Variants in AUTS2 observed in about 807,000 individuals in gnomAD.
AUTS2 encodes the protein activator of transcription and developmental regulator AUTS2.
Under a neutral mutation model 112.4 loss-of-function variants are expected in AUTS2, and 17 were observed. The observed-to-expected ratio is 0.15, with a 90% confidence interval of 0.10 to 0.23. AUTS2 has a LOEUF of 0.23. Ranked by LOEUF, AUTS2 falls within the 10% of genes least tolerant of loss-of-function variation. The pLI is 1.00. For missense variants in AUTS2, 1,510 were observed against 1,701.6 expected (o/e 0.89, Z 1.98); for synonymous variants, 751 against 702.7 (o/e 1.07, Z -1.09).
intron 2 of AUTS2, among the ~76,000 whole-genome samples, chr7:69,978,963 A>G (rs1347475950): frequency 1.3e-5 from 2 of 151,796 alleles, no homozygotes; most frequent in East Asian, 1.9e-4. Flanking sequence ...ATTTTATTCT[A>G]TATCTGTCTA....
At chr7:69,718,858 C>G (rs1185907950) in intron 1 of AUTS2, among the ~76,000 whole-genome samples, 1 of 152,144 alleles carries the variant, frequency 6.6e-6, no homozygotes, top group Admixed American at 6.6e-5. Context: ...TAAATTGTTA[C>G]CTATGAATGT....
chr7:70,628,596 C>G (rs1194333462), intron 5 of AUTS2, among the ~76,000 whole-genome samples: 1 of 151,152 alleles, frequency 6.6e-6, no homozygotes, highest in Non-Finnish European at 1.5e-5. Context: ...CCCAAAAAAT[C>G]CAGTAATCAG....
At chr7:69,927,562 C>G (rs558782914) in intron 2 of AUTS2, among the ~76,000 whole-genome samples, 3 of 152,336 alleles carry the variant, frequency 2.0e-5, no homozygotes, top group African/African-American at 7.2e-5. Context: ...TCCTGCTGGG[C>G]TCATTCCACC....
chr7:70,466,353 C>T (rs568033262), intron 5 of AUTS2, among the ~76,000 whole-genome samples: 1 of 152,266 alleles, frequency 6.6e-6, no homozygotes, highest in East Asian at 1.9e-4. Flanking sequence ...AGAACATTGT[C>T]ATAGTGAATT....
intron 1 of AUTS2, among the ~76,000 whole-genome samples, chr7:69,863,063 A>T (rs1793063580): frequency 7.8e-6 from 1 of 127,976 alleles, no homozygotes; most frequent in African/African-American, 2.6e-5. Flanking sequence ...TTCCAAAGAT[A>T]CGAGGACTCG....
Position 69,946,226 on chromosome 7 carries a change from CAT to C in AUTS2, c.522+46731_522+46732del, listed in dbSNP as rs536130570. Among the ~76,000 whole-genome samples the C allele has an allele frequency of 1.4e-3, 219 of 152,210 alleles. 1 individual carries two copies. The highest frequency in any genetic ancestry group is 2.8e-3 in the Admixed American group (42 of 15,272). On this transcript the variant is annotated intron_variant, in intron 2 of 18. Coordinates refer to ENST00000342771, the MANE Select transcript of AUTS2 (RefSeq NM_015570.4). ...TTTATGTCTGACTTCTTTCACTTAG[CAT>C]ATGTCTTCCAGGTTCACCCAAGTTG...
chr7:70,170,159 A>G (rs376173173), intron 4 of AUTS2, among the ~76,000 whole-genome samples: 1 of 132,892 alleles, frequency 7.5e-6, no homozygotes, highest in East Asian at 2.2e-4. Flanking sequence ...AAATGCAAGT[A>G]TTTTTTTTTT....
chr7:70,719,542 C>T (rs745328346), intron 6 of AUTS2, among the ~76,000 whole-genome samples: 1 of 149,538 alleles, frequency 6.7e-6, no homozygotes, highest in South Asian at 2.2e-4. Context: ...CCACTCACTG[C>T]AACCTCTGCT....
chr7:69,869,896 C>A (rs1323102262), intron 1 of AUTS2, among the ~76,000 whole-genome samples: 1 of 152,098 alleles, frequency 6.6e-6, no homozygotes, highest in Non-Finnish European at 1.5e-5. Flanking sequence ...TTCAGAGACT[C>A]ATAGTTTGAT....
At chr7:69,674,598 A>C (rs1796475148) in intron 1 of AUTS2, among the ~76,000 whole-genome samples, 1 of 124,058 alleles carries the variant, frequency 8.1e-6, no homozygotes. Flanking sequence ...TATGGCTGTC[A>C]TGCCTGAGAG....
intron 5 of AUTS2, among the ~76,000 whole-genome samples, chr7:70,594,127 A>G (rs1393994513): frequency 1.3e-5 from 2 of 152,074 alleles, no homozygotes; most frequent in Non-Finnish European, 2.9e-5. Flanking sequence ...TTTCCTTTCC[A>G]AACTCTCCCT....
rs190471545 is a variant in AUTS2, at chr7:70,625,833, A to G, written c.691-72736A>G. ...TGTTTTAATTGGTGGTTTTAAACTAATATAAAATTGGCTAAATCATCATTT... is the reference window on the plus strand; with the variant it reads ...TGTTTTAATTGGTGGTTTTAAACTAGTATAAAATTGGCTAAATCATCATTT... On this transcript the variant is annotated intron_variant, in intron 5 of 18. Coordinates refer to ENST00000342771, the MANE Select transcript of AUTS2 (RefSeq NM_015570.4). 1.1e-3 allele frequency among the ~76,000 whole-genome samples: 166 copies of G among 152,296 alleles called. 1 individual carries two copies. Among genetic ancestry groups the G allele is most frequent in the African/African-American group, 3.5e-3 (145 of 41,568 alleles).
At chr7:70,203,745 A>G (rs963357371) in intron 4 of AUTS2, among the ~76,000 whole-genome samples, 30 of 147,798 alleles carry the variant, frequency 2.0e-4, no homozygotes, top group African/African-American at 7.5e-4. Context: ...ATATTTGAAT[A>G]TAGCTTAGTC....
At chr7:70,120,366 C>T (rs888400935) in intron 3 of AUTS2, 2 of 152,098 alleles carry the variant, frequency 1.3e-5, no homozygotes, top group African/African-American at 4.8e-5. Context: ...AGAGTACTAA[C>T]AGTATTTTAC....
intron 1 of AUTS2, among the ~76,000 whole-genome samples, chr7:69,882,304 T>A (rs1420921369): frequency 1.3e-5 from 2 of 151,854 alleles, no homozygotes; most frequent in Non-Finnish European, 2.9e-5. Flanking sequence ...TGAGACCCCA[T>A]CTCAATGTAA....
chr7:69,960,711 GTTATC>G (rs1797395976), intron 2 of AUTS2, among the ~76,000 whole-genome samples: 1 of 152,214 alleles, frequency 6.6e-6, no homozygotes, highest in African/African-American at 2.4e-5. Flanking sequence ...CACCATTTCC[GTTATC>G]TTATCTTTTG....
chr7:69,847,455 T>A (rs545053303), intron 1 of AUTS2, among the ~76,000 whole-genome samples: 1 of 152,328 alleles, frequency 6.6e-6, no homozygotes, highest in South Asian at 2.1e-4. Flanking sequence ...GTTCAGAGTG[T>A]AACATCTACT....
intron 1 of AUTS2, among the ~76,000 whole-genome samples, chr7:69,687,111 A>G (rs1054613349): frequency 6.6e-6 from 1 of 152,228 alleles, no homozygotes. Context: ...CATAACACAT[A>G]CAAGTCTCAT....
intron 4 of AUTS2, among the ~76,000 whole-genome samples, chr7:70,205,351 A>G (rs1043623203): frequency 2.0e-5 from 3 of 152,080 alleles, no homozygotes; most frequent in East Asian, 1.9e-4. Context: ...CCACCAATCT[A>G]TTATTATCTC....
Sources: allele counts gnomAD v4.1 joint callset (sites outside exome capture counted in the v4.1 genomes callset), GRCh38; gene constraint gnomAD v4.1.1; transcripts MANE v1.5; gene names NCBI Gene and HGNC (gene_info 2026-07-23, HGNC 2026-07-21).